The following MLC1 variants were observed in gnomAD, a reference collection of about 807,000 sequenced individuals.
MLC1 encodes the protein modulator of VRAC current 1.
Under a neutral mutation model 44.7 loss-of-function variants are expected in MLC1, and 32 were observed. The ratio of observed to expected loss-of-function variants is 0.72; its 90% CI spans 0.54 to 0.96. The LOEUF (loss-of-function observed/expected upper bound fraction) is 0.96. Among genes scored for constraint, MLC1 ranks in the 40% least tolerant of loss-of-function variants. The pLI is 0.00. For missense variants in MLC1, 459 were observed against 492.2 expected, an observed-to-expected ratio of 0.93 and a Z score of 0.64; for synonymous variants, 190 against 213.0, an observed-to-expected ratio of 0.89 and a Z score of 0.94.
At chr22:50,082,767 C>G (rs532264221) in intron 3 of MLC1, among the ~76,000 whole-genome samples, 2 of 152,166 alleles carry the variant, frequency 1.3e-5, no homozygotes, top group Non-Finnish European at 2.9e-5. Flanking sequence ...CAGGTTCAAG[C>G]GATTCTCCTG....
intron 9 of MLC1, among the ~76,000 whole-genome samples, chr22:50,070,066 G>A (rs143792577): frequency 6.6e-6 from 1 of 152,096 alleles, no homozygotes; most frequent in South Asian, 2.1e-4. Context: ...GCCGGGCATG[G>A]TGGCAGGCGC....
chr22:50,084,101 C>T (rs939119670), intron 2 of MLC1, among the ~76,000 whole-genome samples: 3 of 152,100 alleles, frequency 2.0e-5, no homozygotes, highest in South Asian at 2.1e-4. Context: ...TACACGGAAC[C>T]GGGGGTCCCT....
chr22:50,083,334 C>CT lies in MLC1; in HGVS notation c.178-162dup, dbSNP rs1467719351. 6.6e-6 allele frequency among the ~76,000 whole-genome samples: 1 copy of CT among 152,160 alleles called. No individual in the cohort carries two copies. The highest frequency in any genetic ancestry group is 6.5e-5 in the Admixed American group (1 of 15,284). ...GGGACCCGCCCATCCTGGACTCCTC[C>CT]TGTAGGACAGACGCAGCCCCGCCGC... is the stretch of plus-strand genomic sequence containing the variant. On this transcript the variant is annotated intron_variant, in intron 2 of 11. Transcript: ENST00000311597. The surrounding 1 kb of genome is among the most constrained non-coding windows in gnomAD (Gnocchi z 4.6).
intron 8 of MLC1, among the ~76,000 whole-genome samples, chr22:50,073,283 C>T (rs2061902252): frequency 6.6e-6 from 1 of 152,256 alleles, no homozygotes; most frequent in Admixed American, 6.5e-5. Flanking sequence ...AAAGTCCACA[C>T]AGCATGAGAC....
At chr22:50,079,788 C>A in intron 5 of MLC1, 130 bp downstream of exon 5, 2 of 780,964 alleles carry the variant, frequency 2.6e-6, no homozygotes, top group East Asian at 4.9e-5. Flanking sequence ...AATCTCTCAA[C>A]TTTAGTCAAA....
chr22:50,080,630 G>A (rs767223690), intron 3 of MLC1, among the ~76,000 whole-genome samples: 4 of 152,052 alleles, frequency 2.6e-5, no homozygotes, highest in African/African-American at 7.2e-5. Flanking sequence ...TTAACTTTGG[G>A]CTCAAATGAT....
chr22:50,064,008 G>T, intron 11 of MLC1, 26 bp downstream of exon 11: 1 of 1,476,110 alleles, frequency 6.8e-7, no homozygotes. Flanking sequence ...CCTCCCCAGT[G>T]CCCCCTCCCC....
intron 10 of MLC1, among the ~76,000 whole-genome samples, chr22:50,067,971 CAAAA>C (rs1364880546): frequency 8.4e-6 from 1 of 118,394 alleles, no homozygotes; most frequent in Non-Finnish European, 2.0e-5. Context: ...AACAAAAAAA[CAAAA>C]AAACACTAGG....
intron 1 of MLC1, 88 bp downstream of exon 1, chr22:50,085,266 CT>C (rs1369593424): frequency 5.2e-6 from 6 of 1,145,772 alleles, no homozygotes; most frequent in Non-Finnish European, 6.6e-6. Context: ...ACGCCGGGGA[CT>C]CAAGCACGTT....
intron 11 of MLC1, among the ~76,000 whole-genome samples, chr22:50,061,915 G>A (rs561450966): frequency 1.3e-4 from 20 of 152,188 alleles, no homozygotes; most frequent in Admixed American, 9.8e-4. Flanking sequence ...CCCTTCACTC[G>A]GCCCCTTGCC....
chr22:50,066,702 T>C (rs531403502), intron 10 of MLC1, among the ~76,000 whole-genome samples: 1 of 151,948 alleles, frequency 6.6e-6, no homozygotes, highest in Admixed American at 6.6e-5. Flanking sequence ...GATTCTAGTA[T>C]ACAAGCTATT....
chr22:50,077,337 C>T lies in MLC1; in HGVS notation c.525+64G>A, dbSNP rs2076137. 0.14 allele frequency: 209,296 copies of T among 1,447,098 alleles called. 16,018 individuals carry two copies. The highest frequency in any genetic ancestry group is 0.26 in the Admixed American group (14,993 of 56,830). The allele number at this position is 1,447,098 out of a possible 1,614,324, so 89.6% of individuals were successfully genotyped here. A position where few individuals can be genotyped will look rare whatever the true frequency, so the allele number is the denominator to read the frequency against. On this transcript the variant is annotated intron_variant, in intron 6 of 11. Coordinates refer to ENST00000311597, the MANE Select transcript of MLC1 (RefSeq NM_015166.4). ...CCTCCGAGGGTGACGCTGAGACCCA[C>T]CTCGCTCACCCTGGGGTGATGCCTC...
At position 50,060,383 on chromosome 22, in the gene MLC1, G is replaced by T. The variant is rs1446395947; in HGVS notation, c.*1200C>A. The T allele has an allele frequency of 6.6e-6, 1 of 152,390 alleles. No homozygotes were observed. The highest frequency in any genetic ancestry group is 2.4e-5 in the African/African-American group (1 of 41,464). 9.4% of individuals were successfully genotyped at this position (152,390 alleles called of 1,614,324 possible). A position where few individuals can be genotyped will look rare whatever the true frequency, so the allele number is the denominator to read the frequency against. On this transcript the variant is annotated 3_prime_UTR_variant, in exon 12 of 12. Coordinates refer to ENST00000311597, the MANE Select transcript of MLC1 (RefSeq NM_015166.4). The stretch of plus-strand genomic sequence containing the variant: ...GTTATTCTCACACCCAACTGTCCCT[G>T]CAGCCTGGCAGGTGGGCAGTGACCG...
intron 9 of MLC1, among the ~76,000 whole-genome samples, chr22:50,069,023 G>A (rs566515375): frequency 7.4e-5 from 11 of 148,292 alleles, no homozygotes; most frequent in Non-Finnish European, 1.2e-4. Context: ...CACCGCGCCC[G>A]GCCTGCCTTT....
At chr22:50,074,655 TG>T in intron 7 of MLC1, 1 of 374,454 alleles carries the variant, frequency 2.7e-6, no homozygotes, top group South Asian at 2.2e-5. Context: ...CTCCCTTCCC[TG>T]TCTCACAGTG....
intron 11 of MLC1, 125 bp downstream of exon 11, chr22:50,063,909 G>C: frequency 3.9e-6 from 4 of 1,021,352 alleles, no homozygotes; most frequent in Non-Finnish European, 4.1e-6. Flanking sequence ...TCCCCGGCTG[G>C]GCACCCCTGT....
At chr22:50,067,542 TCCC>T (rs1370069905) in intron 10 of MLC1, among the ~76,000 whole-genome samples, 2 of 41,150 alleles carry the variant, frequency 4.9e-5, no homozygotes, top group African/African-American at 2.2e-4. Context: ...AGTGACTCCA[TCCC>T]CCCATCAGGC....
At chr22:50,080,443 A>C in intron 3 of MLC1, 46 bp from the exon 4 acceptor site, 1 of 1,549,450 alleles carries the variant, frequency 6.5e-7, no homozygotes, top group East Asian at 2.4e-5. Flanking sequence ...CACCTGAGCA[A>C]CTGAGACTCT....
At chr22:50,069,420 G>A (rs141310305) in intron 9 of MLC1, among the ~76,000 whole-genome samples, 110 of 152,140 alleles carry the variant, frequency 7.2e-4, no homozygotes, top group Middle Eastern at 3.4e-3. Flanking sequence ...CGAGGAGGGC[G>A]GATCACCTGA....
Sources: allele counts gnomAD v4.1 joint callset (sites outside exome capture counted in the v4.1 genomes callset), GRCh38; gene constraint gnomAD v4.1.1; non-coding constraint Gnocchi (gnomAD v3.1); transcripts MANE v1.5; gene names NCBI Gene and HGNC (gene_info 2026-07-23, HGNC 2026-07-21).